UNC13C: variants seen among roughly 807,000 people sequenced by gnomAD.
The protein encoded by UNC13C is protein unc-13 homolog C.
A neutral mutation model predicts 245.4 loss-of-function variants in UNC13C; 174 were observed. The ratio of observed to expected loss-of-function variants is 0.71; its 90% confidence interval spans 0.63 to 0.80. UNC13C has a LOEUF of 0.80. UNC13C is among the 30% of genes least tolerant of loss of function. UNC13C has a pLI of 0.00. For missense variants in UNC13C, 2,829 were observed against 2,602.9 expected, an observed-to-expected ratio of 1.09 and a Z score of -1.89; for synonymous variants, 992 against 895.1, an observed-to-expected ratio of 1.11 and a Z score of -1.93.
chr15:54,435,215 C>T (rs764621904), intron 19 of UNC13C, among the ~76,000 whole-genome samples: 21 of 152,118 alleles, frequency 1.4e-4, no homozygotes, highest in Non-Finnish European at 2.9e-4. Flanking sequence ...TTTGACCCAG[C>T]AATCCCATTA....
chr15:53,932,942 A>C, the UNC13C span, among the ~76,000 whole-genome samples: 22 of 152,200 alleles, frequency 1.4e-4, no homozygotes, highest in Non-Finnish European at 2.6e-4. Flanking sequence ...CCAAACCTCC[A>C]TTCCTAAGCT....
intron 2 of UNC13C, among the ~76,000 whole-genome samples, chr15:54,046,681 A>G (rs1897051786): frequency 6.6e-6 from 1 of 151,912 alleles, no homozygotes. Flanking sequence ...TAAAATATAT[A>G]TAACAAAACT....
Position 54,013,228 on chromosome 15 carries a change from A to G in UNC13C, c.325A>G (p.Thr109Ala). The G allele has an allele frequency of 5.0e-6, 8 of 1,613,780 alleles. No individual in the cohort carries two copies. Among genetic ancestry groups the G allele is most frequent in the Non-Finnish European group, 6.8e-6 (8 of 1,179,828 alleles). ...TGGCCTACAAAAGAATGCTAAAGTA[A>G]CCAACAGTGATAATGAGGATCTGCT... The part of the protein sequence containing the change: ...ANGLQKNAKV[T>A]NSDNEDLLQE... The change falls in exon 2 of 33, where the codon ACC becomes GCC. Residue 109 changes from threonine (T) to alanine (A), a missense_variant. Transcript: ENST00000260323.
chr15:53,979,835 CTT>C (rs1464127879), intron 1 of UNC13C, among the ~76,000 whole-genome samples: 12 of 152,210 alleles, frequency 7.9e-5, no homozygotes, highest in South Asian at 2.1e-4. Flanking sequence ...TAATAAAAAA[CTT>C]AATGATTTTT....
chr15:54,496,189 C>G lies in UNC13C; in HGVS notation c.5060+1455C>G, dbSNP rs138529109. The stretch of plus-strand genomic sequence containing the variant: ...TGTTATACTTGGTAAATACATACAA[C>G]TTCTTTTGTCAAATAAAACATACTT... On this transcript the variant is annotated intron_variant, in intron 20 of 32. Transcript: ENST00000260323. Among the ~76,000 whole-genome samples the G allele has an allele frequency of 1.4e-4, 22 of 152,174 alleles. No homozygotes were observed. In the East Asian group the frequency reaches 4.2e-3, roughly 29 times the overall value.
At chr15:54,196,148 C>A (rs1334770387) in intron 4 of UNC13C, among the ~76,000 whole-genome samples, 1 of 152,120 alleles carries the variant, frequency 6.6e-6, no homozygotes, top group Non-Finnish European at 1.5e-5. Flanking sequence ...ATAACACACT[C>A]TTATTTTCTA....
intron 2 of UNC13C, among the ~76,000 whole-genome samples, chr15:54,139,062 C>T (rs1477546379): frequency 2.8e-5 from 4 of 144,864 alleles, no homozygotes; most frequent in East Asian, 2.2e-4. Context: ...TGTGTTCAAG[C>T]GATTCTTGTG....
chr15:54,333,917 A>G (rs2038506175), intron 16 of UNC13C, 61 bp downstream of exon 16: 1 of 1,292,140 alleles, frequency 7.7e-7, no homozygotes, highest in Non-Finnish European at 1.1e-6. Context: ...ATCCCCTGGT[A>G]AAGTCTTGCT....
At chr15:54,028,158 C>G (rs182506781) in intron 2 of UNC13C, among the ~76,000 whole-genome samples, 6 of 152,258 alleles carry the variant, frequency 3.9e-5, no homozygotes, top group African/African-American at 1.4e-4. Context: ...CATCTTGACT[C>G]CTATATCTCA....
intron 4 of UNC13C, among the ~76,000 whole-genome samples, chr15:54,204,903 C>T (rs965877130): frequency 1.3e-5 from 2 of 151,898 alleles, no homozygotes; most frequent in South Asian, 2.1e-4. Flanking sequence ...CATATGTGAC[C>T]TACATCATTA....
intron 19 of UNC13C, among the ~76,000 whole-genome samples, chr15:54,474,274 A>G (rs1469500141): frequency 6.6e-6 from 1 of 152,026 alleles, no homozygotes; most frequent in African/African-American, 2.4e-5. Context: ...TAATGGCTAT[A>G]CTAATTTACA....
the UNC13C span, among the ~76,000 whole-genome samples, chr15:53,950,410 C>A: frequency 1.4e-5 from 2 of 141,012 alleles, no homozygotes; most frequent in African/African-American, 2.6e-5. Flanking sequence ...AAAGTATCAG[C>A]AAAGACTAAA....
At chr15:54,348,804 G>T (rs2038916996) in intron 17 of UNC13C, among the ~76,000 whole-genome samples, 1 of 152,098 alleles carries the variant, frequency 6.6e-6, no homozygotes, top group Admixed American at 6.6e-5. Flanking sequence ...GCCCTGAAAT[G>T]TACATGTAGA....
At chr15:53,883,807 G>A in the UNC13C span, among the ~76,000 whole-genome samples, 1 of 152,124 alleles carries the variant, frequency 6.6e-6, no homozygotes, top group Non-Finnish European at 1.5e-5. Flanking sequence ...TTAACAGTGA[G>A]TTTTTTCTTT....
Position 54,266,776 on chromosome 15 carries a change from C to T in UNC13C, c.3818+1280C>T, listed in dbSNP as rs147532401. 1.4e-3 allele frequency among the ~76,000 whole-genome samples: 216 copies of T among 152,174 alleles called. 1 individual carries two copies. Among genetic ancestry groups the T allele is most frequent in the African/African-American group, 4.9e-3 (205 of 41,578 alleles). ...ATATCCATCAGTGCCCCAAAATATT[C>T]TTTATGCCTCATGGAAAGTCATCCC... On this transcript the variant is annotated intron_variant, in intron 10 of 32. Coordinates refer to ENST00000260323, the MANE Select transcript of UNC13C (RefSeq NM_001080534.3).
chr15:54,192,930 A>T (rs2141329195), intron 4 of UNC13C, among the ~76,000 whole-genome samples: 1 of 152,192 alleles, frequency 6.6e-6, no homozygotes, highest in Admixed American at 6.6e-5. Flanking sequence ...AAACACAAAC[A>T]ATAAGATGAA....
intron 2 of UNC13C, among the ~76,000 whole-genome samples, chr15:54,135,306 A>T (rs1364430386): frequency 1.3e-5 from 2 of 152,078 alleles, no homozygotes. Context: ...TGTTAATTTG[A>T]TGAACCTGTT....
chr15:54,598,019 A>T (rs1434731436), intron 30 of UNC13C, among the ~76,000 whole-genome samples: 1 of 152,256 alleles, frequency 6.6e-6, no homozygotes, highest in Non-Finnish European at 1.5e-5. Flanking sequence ...GATAGAAAGC[A>T]GTCAAGCTTT....
At chr15:53,909,724 C>A in the UNC13C span, among the ~76,000 whole-genome samples, 193 of 146,746 alleles carry the variant, frequency 1.3e-3, 25 homozygotes, top group Non-Finnish European at 2.1e-4. Context: ...TGACAACCCC[C>A]TTTTAAGCTA....
Sources: allele counts gnomAD v4.1 joint callset (sites outside exome capture counted in the v4.1 genomes callset), GRCh38; gene constraint gnomAD v4.1.1; transcripts MANE v1.5; gene names NCBI Gene and HGNC (gene_info 2026-07-23, HGNC 2026-07-21).